The following EGFLAM variants were observed in gnomAD, a reference collection of about 807,000 sequenced individuals.
EGFLAM encodes EGF like, fibronectin type III and laminin G domains, also known as pikachurin.
Under a neutral mutation model 113.1 loss-of-function variants are expected in EGFLAM, and 79 were observed. That is an observed-to-expected ratio of 0.70 (90% CI 0.58 to 0.84). EGFLAM has a LOEUF of 0.84. Ranked by LOEUF, EGFLAM falls within the 40% of genes least tolerant of loss-of-function variation. EGFLAM has a pLI of 0.00. For missense variants in EGFLAM, 1,265 were observed against 1,291.6 expected, an observed-to-expected ratio of 0.98 and a Z score of 0.32; for synonymous variants, 504 against 487.6, an observed-to-expected ratio of 1.03 and a Z score of -0.44.
In EGFLAM at chr5:38,350,668, T is replaced by C. The variant is rs767305490; in HGVS notation, c.409+50T>C. The stretch of plus-strand genomic sequence containing the variant: ...TAGGTGGCAGGCTGCTATCCATGCA[T>C]CCTTCATTCAGCAAATATCAATAGG... On this transcript the variant is annotated intron_variant, in intron 4 of 21. Coordinates refer to ENST00000322350, the MANE Select transcript of EGFLAM (RefSeq NM_152403.4). 138 of 1,533,996 alleles carry C rather than the reference T, an allele frequency of 9.0e-5. No individual in the cohort carries two copies. In the Admixed American group the frequency reaches 2.3e-3, roughly 25 times the overall value.
In EGFLAM at chr5:38,393,731, G is replaced by A. The variant is rs373764504; in HGVS notation, c.713-12395G>A. Among the ~76,000 whole-genome samples, 221 of 152,306 alleles carry A rather than the reference G, an allele frequency of 1.5e-3. 1 individual carries two copies. Among genetic ancestry groups the A allele is most frequent in the South Asian group, 0.013 (64 of 4,830 alleles). On this transcript the variant is annotated intron_variant, in intron 6 of 21. Transcript: ENST00000322350. ...CACTGGCTGGTCACTCCTCTCTGGCGGAGCAGGCTCTGTGAGGGGCCCCGC... is the reference window on the plus strand; with the variant it reads ...CACTGGCTGGTCACTCCTCTCTGGCAGAGCAGGCTCTGTGAGGGGCCCCGC...
Position 38,312,243 on chromosome 5 carries a change from A to ATTT in EGFLAM, c.98-25263_98-25261dup, listed in dbSNP as rs35055096. 2.4e-3 allele frequency among the ~76,000 whole-genome samples: 336 copies of ATTT among 140,258 alleles called. 5 individuals carry two copies. Among genetic ancestry groups the ATTT allele is most frequent in the African/African-American group, 8.3e-3 (315 of 37,986 alleles). 92.0% of individuals were successfully genotyped at this position (140,258 alleles called of 152,430 possible). ...GTTACTCTATCTCTCTGTATCTCAG[A>ATTT]TTTTTTTTTTTTTTTTGAGACAGAG... On this transcript the variant is annotated intron_variant, in intron 1 of 21. Coordinates refer to ENST00000322350, the MANE Select transcript of EGFLAM (RefSeq NM_152403.4).
At position 38,434,999 on chromosome 5, in the gene EGFLAM, T is replaced by C. The variant is rs996164003; in HGVS notation, c.2167-138T>C. ...AGAAACACTGTGAAAGTGAAGCCCTTGTGTAGACAGATTGTCATGATGGGT... is the reference window on the plus strand; with the variant it reads ...AGAAACACTGTGAAAGTGAAGCCCTCGTGTAGACAGATTGTCATGATGGGT... On this transcript the variant is annotated intron_variant, in intron 15 of 21. Transcript: ENST00000322350. 3 of 665,062 alleles carry C rather than the reference T, an allele frequency of 4.5e-6. No homozygotes were observed. In the African/African-American group the frequency reaches 5.4e-5, roughly 12 times the overall value. The allele number at this position is 665,062 out of a possible 1,614,324, so 41.2% of individuals were successfully genotyped here.
At chr5:38,290,581 A>C (rs1314623844) in intron 1 of EGFLAM, 1 of 152,094 alleles carries the variant, frequency 6.6e-6, no homozygotes, top group East Asian at 1.9e-4. Flanking sequence ...TCTAACCAAA[A>C]AAAAAATGGA....
chr5:38,354,714 A>G (rs992600047), intron 5 of EGFLAM, among the ~76,000 whole-genome samples: 1 of 152,128 alleles, frequency 6.6e-6, no homozygotes, highest in African/African-American at 2.4e-5. Context: ...TGGAGGACAG[A>G]GCGAGATTCT....
intron 1 of EGFLAM, among the ~76,000 whole-genome samples, chr5:38,277,796 A>G (rs2111741237): frequency 6.6e-6 from 1 of 152,338 alleles, no homozygotes; most frequent in African/African-American, 2.4e-5. Context: ...TATAATAGAT[A>G]CAAAAATTGA....
chr5:38,277,770 C>A (rs1034340749), intron 1 of EGFLAM, among the ~76,000 whole-genome samples: 31 of 151,080 alleles, frequency 2.1e-4, no homozygotes, highest in African/African-American at 3.9e-4. Flanking sequence ...CTGAAAAAGT[C>A]AAAAAAAATC....
In EGFLAM at chr5:38,316,989, C is replaced by T. The variant is rs373148137; in HGVS notation, c.98-20531C>T. 9.0e-4 allele frequency among the ~76,000 whole-genome samples: 137 copies of T among 152,192 alleles called. 1 individual carries two copies. In the South Asian group the frequency reaches 0.026, roughly 29 times the overall value. ...CCCCATGTGGTAGTCTGCTTGCTTC[C>T]GGCAATGTTCCGGTGTCCATTCTAT... On this transcript the variant is annotated intron_variant, in intron 1 of 21. Transcript: ENST00000322350.
At chr5:38,359,295 C>T (rs1739858288) in intron 5 of EGFLAM, among the ~76,000 whole-genome samples, 2 of 152,190 alleles carry the variant, frequency 1.3e-5, no homozygotes. Flanking sequence ...AAAGGTGTCA[C>T]CTTATTGGCT....
At chr5:38,450,178 T>G (rs1742865888) in intron 18 of EGFLAM, among the ~76,000 whole-genome samples, 1 of 152,204 alleles carries the variant, frequency 6.6e-6, no homozygotes, top group Non-Finnish European at 1.5e-5. Flanking sequence ...TGAGAACCTC[T>G]TGATTGGCTT....
intron 17 of EGFLAM, chr5:38,445,818 G>A (rs1201631805): frequency 1.4e-5 from 16 of 1,141,198 alleles, no homozygotes; most frequent in Non-Finnish European, 1.6e-5. Flanking sequence ...CCTACGCGTG[G>A]TGGGAAGCCT....
chr5:38,434,720 G>T (rs1645469011), intron 15 of EGFLAM, among the ~76,000 whole-genome samples: 1 of 152,160 alleles, frequency 6.6e-6, no homozygotes, highest in Non-Finnish European at 1.5e-5. Flanking sequence ...GAAAGCTTCT[G>T]CCCAGAAGTG....
At chr5:38,440,332 A>G (rs1036620359) in intron 17 of EGFLAM, among the ~76,000 whole-genome samples, 1 of 152,194 alleles carries the variant, frequency 6.6e-6, no homozygotes, top group Non-Finnish European at 1.5e-5. Flanking sequence ...GGGAAGGTTC[A>G]TATATCAGAG....
intron 17 of EGFLAM, among the ~76,000 whole-genome samples, chr5:38,442,198 C>T (rs545811770): frequency 2.0e-5 from 3 of 151,438 alleles, no homozygotes; most frequent in African/African-American, 7.3e-5. Flanking sequence ...GTATATAAAA[C>T]CACAAATTAA....
At chr5:38,306,025 C>G (rs1186872372) in intron 1 of EGFLAM, among the ~76,000 whole-genome samples, 1 of 152,148 alleles carries the variant, frequency 6.6e-6, no homozygotes, top group Non-Finnish European at 1.5e-5. Context: ...AGCACTTAAT[C>G]ACCAGAGACT....
intron 13 of EGFLAM, among the ~76,000 whole-genome samples, chr5:38,425,552 C>G (rs563656765): frequency 6.6e-4 from 101 of 152,232 alleles, no homozygotes; most frequent in African/African-American, 2.4e-3. Flanking sequence ...ATGGGGGAAA[C>G]TTTTTAAACA....
chr5:38,280,207 A>G (rs1356880310), intron 1 of EGFLAM, among the ~76,000 whole-genome samples: 4 of 152,248 alleles, frequency 2.6e-5, no homozygotes, highest in Non-Finnish European at 4.4e-5. Context: ...ACTACCAACA[A>G]AAGAAACTAC....
At chr5:38,440,753 G>A (rs1052845348) in intron 17 of EGFLAM, among the ~76,000 whole-genome samples, 1 of 152,076 alleles carries the variant, frequency 6.6e-6, no homozygotes, top group Non-Finnish European at 1.5e-5. Flanking sequence ...TATTCCTACA[G>A]AAGTTAAACC....
chr5:38,314,382 G>A (rs553166063), intron 1 of EGFLAM, among the ~76,000 whole-genome samples: 2 of 152,272 alleles, frequency 1.3e-5, no homozygotes, highest in East Asian at 1.9e-4. Flanking sequence ...ACAGTTAAAG[G>A]GTATTTAAGT....
Sources: gnomAD v4.1 joint callset for allele counts (sites outside exome capture counted in the v4.1 genomes callset) on GRCh38, gnomAD v4.1.1 for gene constraint, MANE v1.5 for transcripts, NCBI Gene and HGNC (gene_info 2026-07-23, HGNC 2026-07-21) for gene names.